ATRX: variants seen among roughly 807,000 people sequenced by gnomAD.
ATRX encodes the protein ATRX chromatin remodeler.
A neutral mutation model predicts 172.6 loss-of-function variants in ATRX; 12 were observed. The ratio of observed to expected loss-of-function variants is 0.07; its 90% CI spans 0.04 to 0.11. The LOEUF (loss-of-function observed/expected upper bound fraction) is 0.11. Ranked by LOEUF, ATRX falls within the 10% of genes least tolerant of loss-of-function variation. The pLI, the probability that ATRX is intolerant of heterozygous loss-of-function variation, is 1.00. For synonymous variants in ATRX, 674 were observed against 594.7 expected (o/e 1.13, Z -1.94); for missense variants, 1,368 against 1,767.4 (o/e 0.77, Z 4.05).
intron 26 of ATRX, among the ~76,000 whole-genome samples, chrX:77,591,172 C>G (rs1267940802): frequency 9.0e-6 from 1 of 111,598 alleles, no homozygotes; most frequent in Non-Finnish European, 1.9e-5. Flanking sequence ...TTAGGCATTA[C>G]GGGAGAAGGA....
intron 1 of ATRX, among the ~76,000 whole-genome samples, chrX:77,778,591 C>G (rs782144562): frequency 6.0e-4 from 65 of 108,898 alleles, no homozygotes; most frequent in Non-Finnish European, 8.0e-4. Flanking sequence ...CATGGTGGCA[C>G]ACGCCTGTAG....
At chrX:77,712,511 C>G (rs1557161956) in intron 2 of ATRX, among the ~76,000 whole-genome samples, 1 of 112,220 alleles carries the variant, frequency 8.9e-6, no homozygotes. Flanking sequence ...ACAATGAGGA[C>G]TAGAAAAATG....
intron 2 of ATRX, among the ~76,000 whole-genome samples, chrX:77,702,837 C>G (rs2148701168): frequency 9.0e-6 from 1 of 111,206 alleles, no homozygotes; most frequent in Non-Finnish European, 1.9e-5. Flanking sequence ...AGTGATCCTC[C>G]TGCCTCAGTA....
intron 30 of ATRX, among the ~76,000 whole-genome samples, chrX:77,539,876 A>G (rs1292034730): frequency 1.8e-5 from 2 of 112,217 alleles, no homozygotes; most frequent in African/African-American, 3.2e-5. Context: ...CAAATTGTAA[A>G]GACCATCAAC....
chrX:77,646,149 T>C (rs1300846779), intron 15 of ATRX, among the ~76,000 whole-genome samples: 2 of 112,080 alleles, frequency 1.8e-5, no homozygotes, highest in Admixed American at 9.5e-5. Context: ...ATTAAACTCC[T>C]GGATCAAAAA....
chrX:77,580,250 T>C (rs1490213507), intron 27 of ATRX, among the ~76,000 whole-genome samples: 2 of 111,903 alleles, frequency 1.8e-5, no homozygotes, highest in African/African-American at 6.5e-5. Context: ...GTAGAAAGTT[T>C]ATTCAAAGGG....
At position 77,684,181 on chromosome X, in the gene ATRX, G is replaced by C. The variant is rs2071423786; in HGVS notation, c.1075C>G (p.Leu359Val). ...TTCATGTTGGCTGTGGTCTCAATCA[G>C]TTTTTTTGCCTTCTTAATCATCTCT... ...PKEMIKKAKK[L>V]IETTANMNSS... Residue 359 changes from leucine (L) to valine (V), a missense_variant, in exon 9 of 35, where the codon CTG becomes GTG. Physicochemically the swap from Leu to Val is conservative, Grantham distance 32. Around this residue, in one of 17 missense-constraint regions of ATRX, gnomAD observed 843 missense variants for 643.1 expected, o/e 1.31. Transcript: ENST00000373344. 1.7e-6 allele frequency: 2 copies of C among 1,210,169 alleles called. No individual in the cohort carries two copies. The highest frequency in any genetic ancestry group is 2.2e-6 in the Non-Finnish European group (2 of 894,895).
chrX:77,633,953 C>T (rs2068226533), intron 17 of ATRX: 1 of 358,823 alleles, frequency 2.8e-6, no homozygotes, highest in African/African-American at 2.6e-5. Context: ...TAAAATGATC[C>T]CATACCAATA....
Position 77,652,283 on chromosome X carries a change from T to A in ATRX, c.4388A>T (p.Glu1463Val), listed in dbSNP as rs1383067466. ...CTTGGAATCATCATTTTCATCTTCC[T>A]CCTCCTCTTCCTCCTCCTCCTCCTC... is the stretch of plus-strand genomic sequence containing the variant. ...EEEEEEEEEEEEDENDDSKSP... is the reference protein window; with the variant it reads ...EEEEEEEEEEVEDENDDSKSP... Residue 1463 changes from glutamate to valine, a missense_variant, in exon 15 of 35, where the codon GAG becomes GTG. Transcript: ENST00000373344. 2 of 1,208,197 alleles carry A rather than the reference T, an allele frequency of 1.7e-6. No individual in the cohort carries two copies. The highest frequency in any genetic ancestry group is 2.2e-6 in the Non-Finnish European group (2 of 894,468).
intron 1 of ATRX, among the ~76,000 whole-genome samples, chrX:77,758,535 C>T (rs1436520872): frequency 3.6e-5 from 4 of 109,840 alleles, no homozygotes; most frequent in African/African-American, 1.3e-4. Context: ...GCGGGTGGAT[C>T]ACTTGAGGTC....
chrX:77,599,385 A>G lies in ATRX; in HGVS notation c.5956+26T>C, dbSNP rs1035566369. 4.1e-6 allele frequency: 5 copies of G among 1,205,287 alleles called. No individual in the cohort carries two copies. The Admixed American group carries it at 1.1e-4, about 26-fold the overall frequency. ...ACATTTTCCAAATTACTGTTCCATG[A>G]TAAAGGCAACATTCATTAGACTCAC... On this transcript the variant is annotated intron_variant, in intron 25 of 34. Transcript: ENST00000373344.
At chrX:77,596,247 C>G (rs1557083801) in intron 25 of ATRX, 1 of 111,353 alleles carries the variant, frequency 9.0e-6, no homozygotes, top group African/African-American at 3.3e-5. Flanking sequence ...ATACTTCCTT[C>G]AGATTATGAG....
chrX:77,726,503 T>A (rs1209186490), intron 1 of ATRX, among the ~76,000 whole-genome samples: 2 of 106,106 alleles, frequency 1.9e-5, no homozygotes, highest in Non-Finnish European at 3.9e-5. Context: ...GGGATAGCAT[T>A]AGTAGATATA....
intron 28 of ATRX, among the ~76,000 whole-genome samples, chrX:77,563,699 A>ATGTGTG (rs1569523801): frequency 1.6e-5 from 1 of 63,889 alleles, no homozygotes; most frequent in Non-Finnish European, 3.3e-5. Flanking sequence ...TTGTGTGTAC[A>ATGTGTG]TGCGTGTGTG....
chrX:77,582,982 A>T (rs1277999668), intron 27 of ATRX, among the ~76,000 whole-genome samples: 3 of 111,900 alleles, frequency 2.7e-5, no homozygotes, highest in African/African-American at 9.7e-5. Context: ...ATACTTCCAA[A>T]CTCATTTTAC....
intron 1 of ATRX, among the ~76,000 whole-genome samples, chrX:77,763,839 C>T (rs961077385): frequency 6.3e-5 from 7 of 111,096 alleles, no homozygotes; most frequent in African/African-American, 1.3e-4. Context: ...ATAGCCTGGG[C>T]GCAGTGGTGC....
chrX:77,710,131 T>A lies in ATRX; in HGVS notation c.133+7000A>T, dbSNP rs941937449. 4.6e-5 allele frequency among the ~76,000 whole-genome samples: 5 copies of A among 109,609 alleles called. No individual in the cohort carries two copies. In the South Asian group the frequency reaches 2.0e-3, roughly 44 times the overall value. ...CTGGCCAACATGGTGAAACCTCGTC[T>A]CTACTATAAATACAAAAATTAGCCG... On this transcript the variant is annotated intron_variant, in intron 2 of 34. Coordinates refer to ENST00000373344, the MANE Select transcript of ATRX (RefSeq NM_000489.6).
intron 9 of ATRX, among the ~76,000 whole-genome samples, chrX:77,678,345 G>A (rs1388120432): frequency 1.8e-5 from 2 of 111,785 alleles, no homozygotes; most frequent in East Asian, 2.8e-4. Context: ...TAACAGTACT[G>A]TCACTCCCTC....
chrX:77,646,061 T>C (rs1342114346), intron 15 of ATRX, among the ~76,000 whole-genome samples: 3 of 111,274 alleles, frequency 2.7e-5, no homozygotes, highest in African/African-American at 9.8e-5. Context: ...AACAAAATAA[T>C]GAACAAAATG....
Sources: gnomAD v4.1 joint callset for allele counts (sites outside exome capture counted in the v4.1 genomes callset) on GRCh38, gnomAD v4.1.1 for gene constraint, gnomAD v4.1.1 regional missense constraint, MANE v1.5 for transcripts, NCBI Gene and HGNC (gene_info 2026-07-23, HGNC 2026-07-21) for gene names.